Variants in AURKA observed in about 807,000 individuals in gnomAD.
AURKA encodes aurora kinase A.
In AURKA, 12 loss-of-function variants were observed where a neutral mutation model predicts 40.9. The observed-to-expected ratio is 0.29, with a 90% CI of 0.19 to 0.48. The LOEUF is 0.48. Among genes scored for constraint, AURKA ranks in the 20% least tolerant of loss-of-function variants. AURKA has a pLI of 0.99. For missense variants in AURKA, 322 were observed against 462.1 expected (o/e 0.70, Z 2.78); for synonymous variants, 170 against 164.3 (o/e 1.03, Z -0.26).
rs1163881734 is a variant in AURKA, at chr20:56,373,544, A to G, written c.718T>C (p.Leu240=). The change falls in exon 7 of 9, where the codon TTG becomes CTG. Residue 240 remains leucine (L), a synonymous_variant. Transcript: ENST00000395915. The surrounding 1 kb of genome is among the most constrained non-coding windows in gnomAD (Gnocchi z 5.0). ...EQRTATYITE[L]ANALSYCHSK... ...TGACAGTAAGACAGGGCATTTGCCA[A>G]TTCTGTTATATACTGTTAAAACAAT... The G allele has an allele frequency of 1.2e-6, 2 of 1,614,056 alleles. No individual in the cohort carries two copies. The highest frequency in any genetic ancestry group is 1.7e-6 in the Non-Finnish European group (2 of 1,179,992).
At chr20:56,391,519 C>T (rs1463586549) in intron 1 of AURKA, among the ~76,000 whole-genome samples, 1 of 151,974 alleles carries the variant, frequency 6.6e-6, no homozygotes, top group African/African-American at 2.4e-5. Flanking sequence ...GGTCCTACCC[C>T]TCAGAGATTC....
intron 4 of AURKA, among the ~76,000 whole-genome samples, chr20:56,383,424 C>A (rs969351001): frequency 1.3e-5 from 2 of 152,186 alleles, no homozygotes; most frequent in Admixed American, 6.5e-5. Context: ...ACCTGAAGCA[C>A]TCTATGGGAA....
At chr20:56,377,907 C>T (rs1309245209) in intron 6 of AURKA, among the ~76,000 whole-genome samples, 1 of 152,214 alleles carries the variant, frequency 6.6e-6, no homozygotes, top group East Asian at 1.9e-4. Flanking sequence ...GGTATAGTGG[C>T]TCACTCCTGT....
intron 4 of AURKA, among the ~76,000 whole-genome samples, chr20:56,383,967 C>A (rs892442269): frequency 6.6e-6 from 1 of 152,140 alleles, no homozygotes; most frequent in Non-Finnish European, 1.5e-5. Flanking sequence ...AAAGTACAGA[C>A]GCATAAACCA....
Position 56,383,132 on chromosome 20 carries a change from C to G in AURKA, c.419G>C (p.Gly140Ala), listed in dbSNP as rs879169420. The G allele has an allele frequency of 1.2e-6, 2 of 1,614,210 alleles. No homozygotes were observed. The highest frequency in any genetic ancestry group is 1.7e-6 in the Non-Finnish European group (2 of 1,180,054). ...ATAAACATTACCAAACTTTCCTTTACCCAGAGGGCGACCAATTTCAAAGTC... is the reference window on the plus strand; with the variant it reads ...ATAAACATTACCAAACTTTCCTTTAGCCAGAGGGCGACCAATTTCAAAGTC... ...LEDFEIGRPLGKGKFGNVYLA... is the reference protein window; with the variant it reads ...LEDFEIGRPLAKGKFGNVYLA... The change falls in exon 5 of 9, where the codon GGT (glycine) becomes GCT (alanine). Residue 140 changes from glycine to alanine, a missense_variant. Transcript: ENST00000395915.
rs1189035910 is a variant in AURKA, at chr20:56,379,515, C to T, written c.705+1918G>A. 2.6e-5 allele frequency among the ~76,000 whole-genome samples: 4 copies of T among 152,118 alleles called. No individual in the cohort carries two copies. The East Asian group carries it at 7.7e-4, about 29-fold the overall frequency. On this transcript the variant is annotated intron_variant, in intron 6 of 8. Coordinates refer to ENST00000395915, the MANE Select transcript of AURKA (RefSeq NM_198437.3). ...GCTGAAAGCCTAAAAGTAGTGACAC[C>T]ATAGTAGCAATGAGTACACCAAGTG... is the stretch of plus-strand genomic sequence containing the variant.
At chr20:56,389,905 G>A (rs1986850714) in intron 1 of AURKA, among the ~76,000 whole-genome samples, 2 of 152,122 alleles carry the variant, frequency 1.3e-5, no homozygotes, top group African/African-American at 4.8e-5. Flanking sequence ...ACTACCACCT[G>A]GTCAAACCAT....
intron 7 of AURKA, 81 bp from the exon 8 acceptor site, chr20:56,370,740 C>T: frequency 6.7e-7 from 1 of 1,497,532 alleles, no homozygotes; most frequent in Non-Finnish European, 9.2e-7. Context: ...AAAGAGTCCA[C>T]TAACACTGAG....
chr20:56,377,025 A>G (rs1233987834), intron 6 of AURKA, among the ~76,000 whole-genome samples: 2 of 152,108 alleles, frequency 1.3e-5, no homozygotes, highest in African/African-American at 2.4e-5. Context: ...AGTTGCAGTG[A>G]GCTGAGAACC....
At chr20:56,371,475 A>AAGAATGCTGACCTCTGGAG (rs1984214452) in intron 7 of AURKA, among the ~76,000 whole-genome samples, 2 of 150,726 alleles carry the variant, frequency 1.3e-5, no homozygotes, top group Admixed American at 6.6e-5. Context: ...AAAAAAAAAA[A>AAGAATGCTGACCTCTGGAG]TTTTCTTAAC....
chr20:56,383,190 G>A lies in AURKA; in HGVS notation c.375-14C>T. 6 of 1,613,658 alleles carry A rather than the reference G, an allele frequency of 3.7e-6. No homozygotes were observed. Among genetic ancestry groups the A allele is most frequent in the Non-Finnish European group, 5.1e-6 (6 of 1,179,702 alleles). On this transcript the variant is annotated splice_polypyrimidine_tract_variant and intron_variant, in intron 4 of 8. Transcript: ENST00000395915. The stretch of plus-strand genomic sequence containing the variant: ...GCCCACTGCCTCCTAGGAGGAATTT[G>A]AACACTTTAGAATGTGAAGAAAACA...
intron 4 of AURKA, 32 bp downstream of exon 4, chr20:56,384,238 C>CAA: frequency 6.5e-7 from 1 of 1,545,560 alleles, no homozygotes; most frequent in Non-Finnish European, 8.9e-7. Context: ...TCTAGTAGAA[C>CAA]AGTACAGAAC....
At chr20:56,371,201 G>T (rs994920989) in intron 7 of AURKA, among the ~76,000 whole-genome samples, 2 of 152,132 alleles carry the variant, frequency 1.3e-5, no homozygotes, top group African/African-American at 4.8e-5. Flanking sequence ...AGTGGCTCAT[G>T]CCTGTAATGC....
intron 1 of AURKA, chr20:56,388,404 C>G: frequency 1.6e-6 from 1 of 609,146 alleles, no homozygotes; most frequent in Non-Finnish European, 2.9e-6. Flanking sequence ...GGCACTGCGT[C>G]CCATCCTCTG....
At chr20:56,377,126 C>T (rs1377658278) in intron 6 of AURKA, among the ~76,000 whole-genome samples, 2 of 152,004 alleles carry the variant, frequency 1.3e-5, no homozygotes, top group East Asian at 3.9e-4. Context: ...CGTGTCTATA[C>T]AAAAAATACA....
At position 56,373,370 on chromosome 20, in the gene AURKA, T is replaced by C. The variant is rs1428476656; in HGVS notation, c.854+38A>G. ...AGCTCACGGTTAGCTCCCAGGGCTTTGGTAAACCAAACAACTTCCACCTCT... is the reference window on the plus strand; with the variant it reads ...AGCTCACGGTTAGCTCCCAGGGCTTCGGTAAACCAAACAACTTCCACCTCT... On this transcript the variant is annotated intron_variant, in intron 7 of 8. Transcript: ENST00000395915. The surrounding 1 kb of genome is among the most constrained non-coding windows in gnomAD (Gnocchi z 5.0). The C allele has an allele frequency of 2.5e-6, 4 of 1,612,290 alleles. No homozygotes were observed. The highest frequency in any genetic ancestry group is 3.4e-6 in the Non-Finnish European group (4 of 1,179,958).
chr20:56,377,423 C>CAA (rs747877845), intron 6 of AURKA, among the ~76,000 whole-genome samples: 1 of 144,308 alleles, frequency 6.9e-6, no homozygotes, highest in Non-Finnish European at 1.5e-5. Flanking sequence ...ACTCAAAACT[C>CAA]AAAAAAAAAA....
chr20:56,372,155 C>A (rs548899773), intron 7 of AURKA, among the ~76,000 whole-genome samples: 1 of 152,074 alleles, frequency 6.6e-6, no homozygotes. Flanking sequence ...TGGAGGCTTA[C>A]GTGGTCACAG....
chr20:56,379,650 C>A (rs1985422864), intron 6 of AURKA, among the ~76,000 whole-genome samples: 2 of 152,102 alleles, frequency 1.3e-5, no homozygotes, highest in Admixed American at 1.3e-4. Context: ...GAGGCCTGAG[C>A]ATCTTGTATC....
Sources: allele counts gnomAD v4.1 joint callset (sites outside exome capture counted in the v4.1 genomes callset), GRCh38; gene constraint gnomAD v4.1.1; non-coding constraint Gnocchi (gnomAD v3.1); transcripts MANE v1.5; gene names NCBI Gene and HGNC (gene_info 2026-07-23, HGNC 2026-07-21).